AGBL1: variants seen among roughly 807,000 people sequenced by gnomAD.
AGBL1 encodes the protein AGBL carboxypeptidase 1, also known as cytosolic carboxypeptidase 4.
In AGBL1, 130 loss-of-function variants were observed where a neutral mutation model predicts 118.9. The ratio of observed to expected loss-of-function variants is 1.09; its 90% CI spans 0.95 to 1.26. The LOEUF (loss-of-function observed/expected upper bound fraction) is 1.26. Among genes scored for constraint, AGBL1 ranks in the 50% most tolerant of loss-of-function variants. The probability of loss-of-function intolerance (pLI) is 0.00; values close to 1 mark genes in which losing one functional copy is unlikely to be tolerated. For missense variants in AGBL1, 1,584 were observed against 1,298.1 expected (o/e 1.22, Z -3.38); for synonymous variants, 555 against 478.9 (o/e 1.16, Z -2.08).
chr15:86,978,887 C>A (rs1187892678), intron 23 of AGBL1, among the ~76,000 whole-genome samples: 1 of 152,122 alleles, frequency 6.6e-6, no homozygotes, highest in Non-Finnish European at 1.5e-5. Flanking sequence ...TCAGGGGGAA[C>A]CCATAAGAGG....
At chr15:86,796,473 G>C (rs2141340591) in intron 22 of AGBL1, among the ~76,000 whole-genome samples, 1 of 152,272 alleles carries the variant, frequency 6.6e-6, no homozygotes, top group Non-Finnish European at 1.5e-5. Context: ...GGATGCCACA[G>C]TCCGAAATAC....
intron 17 of AGBL1, among the ~76,000 whole-genome samples, chr15:86,328,295 T>C (rs950104090): frequency 1.3e-5 from 2 of 151,928 alleles, no homozygotes; most frequent in Non-Finnish European, 2.9e-5. Context: ...TGAGACAAAG[T>C]GAACAAGTGA....
chr15:86,855,078 A>C (rs989858546), intron 22 of AGBL1, among the ~76,000 whole-genome samples: 3 of 152,156 alleles, frequency 2.0e-5, no homozygotes, highest in African/African-American at 7.2e-5. Context: ...GGGAAGAAGG[A>C]CCTGTGATCT....
intron 22 of AGBL1, among the ~76,000 whole-genome samples, chr15:86,800,511 T>A (rs908141227): frequency 1.3e-5 from 2 of 152,134 alleles, no homozygotes; most frequent in Non-Finnish European, 2.9e-5. Context: ...TAAGTCTATT[T>A]GGTGTTCTAC....
intron 22 of AGBL1, among the ~76,000 whole-genome samples, chr15:86,757,872 C>A (rs1318864213): frequency 6.6e-6 from 1 of 152,066 alleles, no homozygotes; most frequent in Non-Finnish European, 1.5e-5. Flanking sequence ...CCCAGATTCT[C>A]TGAATGATTC....
At chr15:86,379,400 A>G (rs184833054) in intron 17 of AGBL1, among the ~76,000 whole-genome samples, 273 of 152,252 alleles carry the variant, frequency 1.8e-3, no homozygotes, top group African/African-American at 6.3e-3. Context: ...AAACTTTTTA[A>G]AGTCAAATTT....
At chr15:86,207,031 C>G (rs1179360339) in intron 5 of AGBL1, among the ~76,000 whole-genome samples, 1 of 152,190 alleles carries the variant, frequency 6.6e-6, no homozygotes, top group South Asian at 2.1e-4. Flanking sequence ...GTACATATGG[C>G]TAGCCAGTTT....
rs530924063 is a variant in AGBL1, at chr15:86,528,149, G to C, written c.2685+5210G>C. 1.5e-4 allele frequency among the ~76,000 whole-genome samples: 23 copies of C among 152,294 alleles called. No individual in the cohort carries two copies. The South Asian group carries it at 4.8e-3, about 32-fold the overall frequency. On this transcript the variant is annotated intron_variant, in intron 19 of 22. Transcript: ENST00000614907. ...ACAGCTCCGGTCTACAGCTCCCAGC[G>C]TGAGCGACGCAGAAGACGGGTGATT...
intron 5 of AGBL1, among the ~76,000 whole-genome samples, chr15:86,182,083 C>G (rs924167293): frequency 1.5e-4 from 23 of 151,496 alleles, no homozygotes; most frequent in African/African-American, 5.6e-4. Flanking sequence ...AGAATGAGAG[C>G]ATTAGCAAAT....
chr15:86,994,187 C>T (rs2081358119), intron 24 of AGBL1, among the ~76,000 whole-genome samples: 1 of 152,046 alleles, frequency 6.6e-6, no homozygotes, highest in African/African-American at 2.4e-5. Flanking sequence ...AAATTCAAAG[C>T]AGTAGATTGG....
At chr15:86,116,602 A>T (rs1239486924) in intron 1 of AGBL1, 2 of 152,374 alleles carry the variant, frequency 1.3e-5, no homozygotes, top group Non-Finnish European at 2.9e-5. Context: ...GAGCTGGGAC[A>T]TTGGACACTT....
intron 21 of AGBL1, among the ~76,000 whole-genome samples, chr15:86,639,574 C>T (rs895154073): frequency 3.3e-5 from 5 of 152,196 alleles, no homozygotes; most frequent in Non-Finnish European, 7.3e-5. Flanking sequence ...ATCTACTTAA[C>T]TCATAAACTA....
At chr15:86,917,505 A>G (rs1596632468), downstream of AGBL1, among the ~76,000 whole-genome samples, 1 of 152,218 alleles carries the variant, frequency 6.6e-6, no homozygotes, top group Non-Finnish European at 1.5e-5. The surrounding 1 kb of genome is among the most constrained non-coding windows in gnomAD (Gnocchi z 4.8). Context: ...GCCACTGTAC[A>G]GTTACATGCA....
Position 86,132,899 on chromosome 15 carries a change from T to C in AGBL1, c.52-9105T>C, listed in dbSNP as rs142792681. Among the ~76,000 whole-genome samples, 255 of 152,346 alleles carry C rather than the reference T, an allele frequency of 1.7e-3. 1 individual carries two copies. The highest frequency in any genetic ancestry group is 3.1e-3 in the Non-Finnish European group (214 of 68,028). On this transcript the variant is annotated intron_variant, in intron 1 of 22. Transcript: ENST00000614907. ...GGTGGAAAATTGATCTCATAAGATG[T>C]ATCTCAAAGGATCTTCAGACCTATT...
intron 18 of AGBL1, among the ~76,000 whole-genome samples, chr15:86,457,304 C>T (rs553961966): frequency 2.6e-5 from 4 of 152,234 alleles, no homozygotes; most frequent in African/African-American, 7.2e-5. Context: ...GAACAAAAGG[C>T]TTTTGGTTTG....
At chr15:86,666,102 C>A (rs1048955689) in intron 21 of AGBL1, among the ~76,000 whole-genome samples, 6 of 152,024 alleles carry the variant, frequency 3.9e-5, no homozygotes, top group African/African-American at 9.7e-5. Flanking sequence ...CTGAAAATCC[C>A]CAGTGGTGTT....
At chr15:86,972,919 C>T (rs763687645) in intron 23 of AGBL1, among the ~76,000 whole-genome samples, 2 of 151,986 alleles carry the variant, frequency 1.3e-5, no homozygotes, top group Non-Finnish European at 2.9e-5. Context: ...AATCAAATTT[C>T]TGGAGTAGCC....
intron 23 of AGBL1, chr15:86,935,034 C>T (rs1008003498): frequency 9.9e-5 from 15 of 152,134 alleles, no homozygotes; most frequent in Non-Finnish European, 1.9e-4. Flanking sequence ...AATAAATTTA[C>T]ACTGCAGCTG....
chr15:86,708,231 T>C (rs933543145), intron 22 of AGBL1, among the ~76,000 whole-genome samples: 1 of 152,088 alleles, frequency 6.6e-6, no homozygotes, highest in African/African-American at 2.4e-5. Flanking sequence ...TATTTGGAGA[T>C]AGGGTCTTAA....
Sources: gnomAD v4.1 joint callset for allele counts (sites outside exome capture counted in the v4.1 genomes callset) on GRCh38, gnomAD v4.1.1 for gene constraint, Gnocchi (gnomAD v3.1) non-coding constraint, MANE v1.5 for transcripts, NCBI Gene and HGNC (gene_info 2026-07-23, HGNC 2026-07-21) for gene names.